Variants in WDR33 observed in about 807,000 individuals in gnomAD.
WDR33 encodes WD repeat domain 33.
A neutral mutation model predicts 164.9 loss-of-function variants in WDR33; 47 were observed. That is an observed-to-expected ratio of 0.29 (90% CI 0.23 to 0.36). The LOEUF (loss-of-function observed/expected upper bound fraction) is 0.36, where lower values mean the gene tolerates loss of function less well. Ranked by LOEUF, WDR33 falls within the 10% of genes least tolerant of loss-of-function variation. The pLI, the probability that WDR33 is intolerant of heterozygous loss-of-function variation, is 1.00. For missense variants in WDR33, 1,137 were observed against 1,754.1 expected (o/e 0.65, Z 6.28); for synonymous variants, 505 against 589.0 (o/e 0.86, Z 2.06).
At chr2:127,756,057 G>A (rs1211822242) in intron 7 of WDR33, among the ~76,000 whole-genome samples, 2 of 152,126 alleles carry the variant, frequency 1.3e-5, no homozygotes, top group African/African-American at 4.8e-5. Flanking sequence ...AAAGTGGCCA[G>A]GCACAGTGGC....
intron 7 of WDR33, among the ~76,000 whole-genome samples, chr2:127,747,437 C>T (rs1178819140): frequency 4.8e-5 from 7 of 146,220 alleles, no homozygotes; most frequent in African/African-American, 1.3e-4. Flanking sequence ...GCTGCTCTAC[C>T]GAAAAAAAAA....
At chr2:127,730,646 AAC>A (rs1313550974) in intron 7 of WDR33, among the ~76,000 whole-genome samples, 1 of 148,328 alleles carries the variant, frequency 6.7e-6, no homozygotes, top group East Asian at 1.9e-4. Flanking sequence ...AAGCAAGCAA[AAC>A]ACACAAACTA....
chr2:127,756,800 G>A (rs759731354), intron 7 of WDR33, among the ~76,000 whole-genome samples: 30 of 152,010 alleles, frequency 2.0e-4, no homozygotes, highest in Non-Finnish European at 3.7e-4. Context: ...CTGAATCTTC[G>A]GCCAGGCATG....
chr2:127,711,050 C>T (rs374393110), intron 18 of WDR33, among the ~76,000 whole-genome samples: 2 of 152,304 alleles, frequency 1.3e-5, no homozygotes. Flanking sequence ...GAACTTTCTC[C>T]TATATAATCA....
In WDR33 at chr2:127,705,236, G is replaced by C. The variant is rs1244978333; in HGVS notation, c.*1087C>G. On this transcript the variant is annotated 3_prime_UTR_variant, in exon 22 of 22. Transcript: ENST00000322313. This position sits in a 1 kb window ranked among gnomAD's most constrained non-coding sequence, Gnocchi z 4.5. Reference sequence around the variant, plus strand: ...TAAAACCAAAATAAAGGTCAGTATAGAAAGTATCATGGGGTATATAACAAA... The same window carrying C: ...TAAAACCAAAATAAAGGTCAGTATACAAAGTATCATGGGGTATATAACAAA... 6.0e-6 allele frequency: 1 copy of C among 167,056 alleles called. No homozygotes were observed. The highest frequency in any genetic ancestry group is 2.4e-5 in the African/African-American group (1 of 41,442). 10.3% of individuals were successfully genotyped at this position (167,056 alleles called of 1,614,324 possible).
At chr2:127,734,505 G>A (rs1686791176) in intron 7 of WDR33, among the ~76,000 whole-genome samples, 2 of 152,196 alleles carry the variant, frequency 1.3e-5, no homozygotes. Context: ...GCATTAAAAT[G>A]TACAGCAAAC....
In WDR33 at chr2:127,770,746, T is replaced by C. The variant is rs777031880; in HGVS notation, c.204+32A>G. The C allele has an allele frequency of 7.5e-7, 1 of 1,326,904 alleles. No individual in the cohort carries two copies. The highest frequency in any genetic ancestry group is 1.0e-6 in the Non-Finnish European group (1 of 981,652). The allele number at this position is 1,326,904 out of a possible 1,614,324, so 82.2% of individuals were successfully genotyped here. A position where few individuals can be genotyped will look rare whatever the true frequency, so the allele number is the denominator to read the frequency against. ...AAATAAATAAATAAATAACCAAAGTTTGGTCATCTGAAGCACATAAATCAG... is the reference window on the plus strand; with the variant it reads ...AAATAAATAAATAAATAACCAAAGTCTGGTCATCTGAAGCACATAAATCAG... On this transcript the variant is annotated intron_variant, in intron 2 of 21. Transcript: ENST00000322313. The surrounding 1 kb of genome is among the most constrained non-coding windows in gnomAD (Gnocchi z 4.9).
intron 7 of WDR33, among the ~76,000 whole-genome samples, chr2:127,749,269 G>A (rs1399158884): frequency 1.3e-5 from 2 of 152,188 alleles, no homozygotes; most frequent in African/African-American, 4.8e-5. Context: ...AGGCAGTTGA[G>A]GCTCCAGTGA....
intron 1 of WDR33, among the ~76,000 whole-genome samples, chr2:127,785,254 C>CA (rs1430399085): frequency 6.6e-6 from 1 of 152,184 alleles, no homozygotes; most frequent in Non-Finnish European, 1.5e-5. Context: ...CAGCCCTCCC[C>CA]ACCCCTAACA....
rs186741215 is a variant in WDR33 at position 127,792,151 on chromosome 2, C to T, written c.-24+18861G>A. 3.0e-3 allele frequency among the ~76,000 whole-genome samples: 449 copies of T among 151,570 alleles called. 4 individuals are homozygous for T. Among genetic ancestry groups the T allele is most frequent in the South Asian group, 0.015 (74 of 4,782 alleles). The stretch of plus-strand genomic sequence containing the variant: ...ACTGGGTTTCACCGTGTTGGTCAGG[C>T]TGGTCTCGAACTCCGGACCTCAGGT... On this transcript the variant is annotated intron_variant, in intron 1 of 21. Coordinates refer to ENST00000322313, the MANE Select transcript of WDR33 (RefSeq NM_018383.5).
At chr2:127,779,148 A>T (rs113241309) in intron 1 of WDR33, among the ~76,000 whole-genome samples, 108 of 146,238 alleles carry the variant, frequency 7.4e-4, no homozygotes, top group African/African-American at 2.6e-3. Context: ...TGTGGCTGAC[A>T]AGCAGCATTA....
chr2:127,722,766 T>C lies in WDR33; in HGVS notation c.1379-36A>G. 6.2e-7 allele frequency: 1 copy of C among 1,601,428 alleles called. No individual in the cohort carries two copies. Among genetic ancestry groups the C allele is most frequent in the Non-Finnish European group, 8.5e-7 (1 of 1,174,986 alleles). Reference sequence around the variant, plus strand: ...AAAGAAAAGTGGTTTGCCTCTTAAATAAAAGAAATTGGCCACTTGATCAAT... The same window carrying C: ...AAAGAAAAGTGGTTTGCCTCTTAAACAAAAGAAATTGGCCACTTGATCAAT... On this transcript the variant is annotated intron_variant, in intron 13 of 21. Transcript: ENST00000322313. This position sits in a 1 kb window ranked among gnomAD's most constrained non-coding sequence, Gnocchi z 5.1.
intron 4 of WDR33, among the ~76,000 whole-genome samples, 199 bp downstream of exon 4, chr2:127,767,990 A>C (rs1336767031): frequency 6.6e-6 from 1 of 152,256 alleles, no homozygotes; most frequent in Non-Finnish European, 1.5e-5. Flanking sequence ...GAAGAAAAAC[A>C]ATCCAAAAGT....
In WDR33 at chr2:127,708,906, C is replaced by A; in HGVS notation, c.3566-14G>T. The A allele has an allele frequency of 2.6e-6, 4 of 1,541,062 alleles. No individual in the cohort carries two copies. Among genetic ancestry groups the A allele is most frequent in the South Asian group, 1.2e-5 (1 of 80,102 alleles). The stretch of plus-strand genomic sequence containing the variant: ...CATGACCTGGCCCTGAAACAAGAAA[C>A]AAATCTCCTTACAGGAAAGCACAGT... On this transcript the variant is annotated splice_polypyrimidine_tract_variant and intron_variant, in intron 20 of 21. Coordinates refer to ENST00000322313, the MANE Select transcript of WDR33 (RefSeq NM_018383.5). The surrounding 1 kb of genome is among the most constrained non-coding windows in gnomAD (Gnocchi z 6.7).
intron 7 of WDR33, among the ~76,000 whole-genome samples, chr2:127,751,056 A>C (rs990177726): frequency 1.3e-5 from 2 of 151,748 alleles, no homozygotes; most frequent in Non-Finnish European, 2.9e-5. Context: ...AAAACTAAAA[A>C]TGTTCTAAAA....
intron 7 of WDR33, among the ~76,000 whole-genome samples, chr2:127,750,163 C>A (rs1687281389): frequency 1.3e-5 from 2 of 151,830 alleles, no homozygotes; most frequent in African/African-American, 4.8e-5. Context: ...TATCAGGGAC[C>A]ACAGGCACAC....
intron 7 of WDR33, among the ~76,000 whole-genome samples, chr2:127,745,500 C>T (rs1687142257): frequency 6.6e-6 from 1 of 152,102 alleles, no homozygotes; most frequent in Non-Finnish European, 1.5e-5. Context: ...TTCATGATTC[C>T]TTTACAGAAA....
Position 127,735,437 on chromosome 2 carries a change from T to G in WDR33, c.725-8660A>C, listed in dbSNP as rs1474562988. 4.1e-6 allele frequency: 4 copies of G among 985,592 alleles called. No individual in the cohort carries two copies. The African/African-American group carries it at 7.0e-5, about 17-fold the overall frequency. 61.1% of individuals were successfully genotyped at this position (985,592 alleles called of 1,614,324 possible). Reference sequence around the variant, plus strand: ...GTCAGAAATGGTGTCCATGTTCCCATTTTATTTTTCCTGGATCAGACCATT... The same window carrying G: ...GTCAGAAATGGTGTCCATGTTCCCAGTTTATTTTTCCTGGATCAGACCATT... On this transcript the variant is annotated intron_variant, in intron 7 of 21. Transcript: ENST00000322313. This position sits in a 1 kb window ranked among gnomAD's most constrained non-coding sequence, Gnocchi z 4.3.
intron 1 of WDR33, among the ~76,000 whole-genome samples, chr2:127,781,124 G>A (rs188837893): frequency 2.6e-4 from 40 of 152,184 alleles, no homozygotes; most frequent in East Asian, 1.7e-3. Context: ...GCAGCCTCCC[G>A]AAGTGCTGGG....
Sources: allele counts gnomAD v4.1 joint callset (sites outside exome capture counted in the v4.1 genomes callset), GRCh38; gene constraint gnomAD v4.1.1; non-coding constraint Gnocchi (gnomAD v3.1); transcripts MANE v1.5; gene names NCBI Gene and HGNC (gene_info 2026-07-23, HGNC 2026-07-21).